The following SLIT1 variants were observed in gnomAD, a reference collection of about 807,000 sequenced individuals.
SLIT1 encodes the protein slit guidance ligand 1, also known as slit homolog 1 protein.
A neutral mutation model predicts 186.1 loss-of-function variants in SLIT1; 66 were observed. That is an observed-to-expected ratio of 0.35 (90% CI 0.29 to 0.44). The LOEUF (loss-of-function observed/expected upper bound fraction) is 0.44, where lower values mean the gene tolerates loss of function less well. Ranked by LOEUF, SLIT1 falls within the 20% of genes least tolerant of loss-of-function variation. SLIT1 has a pLI of 1.00. For missense variants in SLIT1, 1,638 were observed against 2,037.4 expected, an observed-to-expected ratio of 0.80 and a Z score of 3.77; for synonymous variants, 761 against 833.8, an observed-to-expected ratio of 0.91 and a Z score of 1.50.
chr10:97,065,137 TACACAC>T (rs55991572), intron 5 of SLIT1, among the ~76,000 whole-genome samples: 3,649 of 150,668 alleles, frequency 0.024, 140 homozygotes, highest in African/African-American at 0.08. Context: ...GGCACCCCCC[TACACAC>T]ACACACACAC....
chr10:97,080,938 C>T (rs111972173), intron 4 of SLIT1, among the ~76,000 whole-genome samples: 1 of 152,212 alleles, frequency 6.6e-6, no homozygotes, highest in Non-Finnish European at 1.5e-5. Flanking sequence ...CAGGAGAAGT[C>T]GTTCTGCAGG....
At chr10:97,164,942 A>G (rs1850084008) in intron 1 of SLIT1, 52 bp from the exon 2 acceptor site, 1 of 1,411,874 alleles carries the variant, frequency 7.1e-7, no homozygotes. Context: ...GTAAGCCCCC[A>G]GGCCAGGGGC....
chr10:97,065,678 A>C (rs1430545908), intron 5 of SLIT1: 1 of 250,354 alleles, frequency 4.0e-6, no homozygotes, highest in East Asian at 8.0e-5. Context: ...GAAGATTCAA[A>C]CCCAGCTCTC....
At chr10:97,183,366 T>A (rs1850367577) in intron 1 of SLIT1, among the ~76,000 whole-genome samples, 1 of 152,176 alleles carries the variant, frequency 6.6e-6, no homozygotes, top group East Asian at 1.9e-4. Context: ...CCCCTCCCTA[T>A]CCTATCATAA....
intron 28 of SLIT1, among the ~76,000 whole-genome samples, chr10:97,018,014 A>G (rs1848468959): frequency 6.6e-6 from 1 of 151,734 alleles, no homozygotes; most frequent in South Asian, 2.1e-4. Context: ...ACACCCAGCT[A>G]ATTTTTGTAT....
At position 97,031,612 on chromosome 10, in the gene SLIT1, C is replaced by T. The variant is rs1046200407; in HGVS notation, c.2504G>A (p.Arg835His). 9 of 1,550,510 alleles carry T rather than the reference C, an allele frequency of 5.8e-6. No individual in the cohort carries two copies. The highest frequency in any genetic ancestry group is 1.4e-5 in the African/African-American group (1 of 73,052). Reference sequence around the variant, plus strand: ...GGTGAGTGAGGAGACTTACAGCAGGCGCAGGGAGCGGAGTCCCTGGAAGGC... The same window carrying T: ...GGTGAGTGAGGAGACTTACAGCAGGTGCAGGGAGCGGAGTCCCTGGAAGGC... ...PLAFQGLRSL[R>H]LLSLHGNDIS... The change falls in exon 24 of 37, where the codon CGC becomes CAC. Residue 835 changes from arginine to histidine, a missense_variant. Around this residue, in one of 3 missense-constraint regions of SLIT1, gnomAD observed 1,245 missense variants for 1,535.3 expected, o/e 0.81. Transcript: ENST00000266058.
chr10:97,155,974 T>C (rs1371029214), intron 4 of SLIT1, among the ~76,000 whole-genome samples: 2 of 152,198 alleles, frequency 1.3e-5, no homozygotes, highest in South Asian at 2.1e-4. Flanking sequence ...GACCAGTGCA[T>C]GGCCCACAGG....
chr10:97,013,104 C>T (rs1848425338), intron 30 of SLIT1, among the ~76,000 whole-genome samples: 1 of 152,204 alleles, frequency 6.6e-6, no homozygotes, highest in Non-Finnish European at 1.5e-5. Flanking sequence ...TTTAGATTTT[C>T]GTAAGGTCAG....
chr10:97,042,267 G>A (rs755302153), intron 20 of SLIT1, among the ~76,000 whole-genome samples: 6 of 152,166 alleles, frequency 3.9e-5, no homozygotes, highest in Non-Finnish European at 8.8e-5. Flanking sequence ...AAGCGGAGAA[G>A]GGGGCTGGAA....
At chr10:97,147,906 T>C (rs981006916) in intron 4 of SLIT1, among the ~76,000 whole-genome samples, 1 of 152,186 alleles carries the variant, frequency 6.6e-6, no homozygotes, top group Non-Finnish European at 1.5e-5. Context: ...TTCTTCCTCT[T>C]CACCCTCCTG....
chr10:97,105,956 C>T (rs1022642306), intron 4 of SLIT1, among the ~76,000 whole-genome samples: 3 of 152,218 alleles, frequency 2.0e-5, no homozygotes, highest in Non-Finnish European at 4.4e-5. Context: ...TGGGACAGAA[C>T]CTCTAGGCAA....
intron 1 of SLIT1, among the ~76,000 whole-genome samples, chr10:97,166,569 G>GAGAAAGAAAGAAAGAAAGAAAGAAAGAA (rs1554854785): frequency 5.1e-5 from 3 of 58,912 alleles, no homozygotes; most frequent in East Asian, 3.6e-4. Context: ...GAGAGAGAGA[G>GAGAAAGAAAGAAAGAAAGAAAGAAAGAA]AGAAAGAAAG....
intron 4 of SLIT1, among the ~76,000 whole-genome samples, chr10:97,082,202 G>T (rs1165007126): frequency 3.9e-5 from 6 of 152,198 alleles, no homozygotes; most frequent in African/African-American, 1.4e-4. Context: ...TGCTGAGAGG[G>T]CATTTAGACA....
intron 21 of SLIT1, among the ~76,000 whole-genome samples, chr10:97,038,393 C>A (rs373522033): frequency 6.6e-6 from 1 of 152,206 alleles, no homozygotes; most frequent in African/African-American, 2.4e-5. Flanking sequence ...CCTGCTGCAG[C>A]CTCTTCTGTC....
intron 16 of SLIT1, 42 bp from the exon 17 acceptor site, chr10:97,047,107 G>A: frequency 1.5e-6 from 2 of 1,294,718 alleles, no homozygotes; most frequent in East Asian, 4.6e-5. Flanking sequence ...ACAAATGATG[G>A]ACATTTCAAA....
At chr10:97,056,491 T>C in intron 12 of SLIT1, 27 bp from the exon 13 acceptor site, 1 of 1,613,118 alleles carries the variant, frequency 6.2e-7, no homozygotes, top group Non-Finnish European at 8.5e-7. Flanking sequence ...GACCAAGTGG[T>C]GAGGAGAGAG....
chr10:97,155,040 A>G (rs1241095990), intron 4 of SLIT1: 1 of 152,184 alleles, frequency 6.6e-6, no homozygotes, highest in East Asian at 1.9e-4. Flanking sequence ...ACAAGATATC[A>G]AGCACAGGAG....
At chr10:97,074,030 G>C (rs1002882676) in intron 4 of SLIT1, among the ~76,000 whole-genome samples, 3 of 152,020 alleles carry the variant, frequency 2.0e-5, no homozygotes, top group African/African-American at 7.2e-5. Context: ...CACCTCCCCT[G>C]AGCCTGAGTC....
intron 4 of SLIT1, among the ~76,000 whole-genome samples, chr10:97,091,816 C>T (rs1849235367): frequency 6.6e-6 from 1 of 152,220 alleles, no homozygotes; most frequent in South Asian, 2.1e-4. Context: ...ATGCCAAGCC[C>T]ATAGGCTAAG....
Sources: gnomAD v4.1 joint callset for allele counts (sites outside exome capture counted in the v4.1 genomes callset) on GRCh38, gnomAD v4.1.1 for gene constraint, gnomAD v4.1.1 regional missense constraint, MANE v1.5 for transcripts, NCBI Gene and HGNC (gene_info 2026-07-23, HGNC 2026-07-21) for gene names.